Variants in MAP3K4 observed in about 807,000 individuals in gnomAD.
MAP3K4 encodes MAP three kinase 1.
In MAP3K4, 67 loss-of-function variants were observed where a neutral mutation model predicts 185.6. The ratio of observed to expected loss-of-function variants is 0.36; its 90% confidence interval spans 0.30 to 0.44. The LOEUF is 0.44. Ranked by LOEUF, MAP3K4 falls within the 20% of genes least tolerant of loss-of-function variation. The pLI, the probability that MAP3K4 is intolerant of heterozygous loss-of-function variation, is 1.00. For missense variants in MAP3K4, 1,551 were observed against 1,995.1 expected, an observed-to-expected ratio of 0.78 and a Z score of 4.24; for synonymous variants, 702 against 710.4, an observed-to-expected ratio of 0.99 and a Z score of 0.19.
intron 1 of MAP3K4, among the ~76,000 whole-genome samples, chr6:161,020,771 G>A (rs1391303721): frequency 6.6e-6 from 1 of 151,890 alleles, no homozygotes; most frequent in Non-Finnish European, 1.5e-5. Context: ...AGTAATAATG[G>A]CTTTGATGCC....
intron 1 of MAP3K4, among the ~76,000 whole-genome samples, chr6:160,994,793 C>T (rs561843732): frequency 5.9e-5 from 9 of 152,202 alleles, no homozygotes; most frequent in Admixed American, 4.6e-4. Context: ...CTCTGCCTCC[C>T]GAGTTCGAGC....
In MAP3K4 at chr6:161,110,235, T is replaced by TC. The variant is rs1384774974; in HGVS notation, c.4396+322dup. Among the ~76,000 whole-genome samples, 3 of 152,352 alleles carry TC rather than the reference T, an allele frequency of 2.0e-5. No homozygotes were observed. The highest frequency in any genetic ancestry group is 1.9e-4 in the East Asian group (1 of 5,186). On this transcript the variant is annotated intron_variant, in intron 23 of 26. Transcript: ENST00000392142. The surrounding 1 kb of genome is among the most constrained non-coding windows in gnomAD (Gnocchi z 4.8). The stretch of plus-strand genomic sequence containing the variant: ...TTCGTGATCAAAGCAACCTTTTTTT[T>TC]CTCTCGTGTCAGGATTCTTGTCTAT...
chr6:161,069,518 G>C lies in MAP3K4; in HGVS notation c.1708-1090G>C, dbSNP rs137883831. ...AAGGCAGCACTGGAGGGTGAGACTA[G>C]GTCATGGAGGGTCTTCCATAGCAGC... On this transcript the variant is annotated intron_variant, in intron 3 of 26. Transcript: ENST00000392142. Among the ~76,000 whole-genome samples, 681 of 152,268 alleles carry C rather than the reference G, an allele frequency of 4.5e-3. 4 individuals are homozygous for C. The highest frequency in any genetic ancestry group is 0.016 in the African/African-American group (655 of 41,550).
intron 1 of MAP3K4, among the ~76,000 whole-genome samples, chr6:161,031,124 T>G (rs1782908606): frequency 6.6e-6 from 1 of 152,202 alleles, no homozygotes; most frequent in Admixed American, 6.5e-5. Context: ...AATTAGATAA[T>G]TTAGAAATAC....
rs1182109614 is a variant in MAP3K4, at chr6:161,091,970, T to A, written c.3136-40T>A. 1.3e-6 allele frequency: 2 copies of A among 1,538,222 alleles called. No homozygotes were observed. Among genetic ancestry groups the A allele is most frequent in the Non-Finnish European group, 1.8e-6 (2 of 1,112,540 alleles). ...TATAGTGTGTGATATTATTTAATGA[T>A]CATTTCCTTAATGTTGATATACATG... On this transcript the variant is annotated intron_variant, in intron 12 of 26. Coordinates refer to ENST00000392142, the MANE Select transcript of MAP3K4 (RefSeq NM_005922.4). The surrounding 1 kb of genome is among the most constrained non-coding windows in gnomAD (Gnocchi z 5.5).
In MAP3K4 at chr6:160,992,002, A is replaced by AGCCGCCGCCACCGCC. The variant is rs770649078; in HGVS notation, c.84_98dup (p.Pro32_Pro36dup). The AGCCGCCGCCACCGCC allele has an allele frequency of 2.7e-5, 42 of 1,537,272 alleles. No homozygotes were observed. In the East Asian group the frequency reaches 3.3e-4, roughly 12 times the overall value. ...GTCACGCCTGCCGCCGCCATGGAGG[A>AGCCGCCGCCACCGCC]GCCGCCGCCACCGCCGCCGCCGCCA... is the stretch of plus-strand genomic sequence containing the variant. On this transcript the variant is annotated inframe_insertion, in exon 1 of 27. Coordinates refer to ENST00000392142, the MANE Select transcript of MAP3K4 (RefSeq NM_005922.4).
At position 161,037,691 on chromosome 6, in the gene MAP3K4, T is replaced by C. The variant is rs1405945991; in HGVS notation, c.343+3242T>C. Among the ~76,000 whole-genome samples the C allele has an allele frequency of 1.3e-5, 2 of 152,222 alleles. No individual in the cohort carries two copies. Among genetic ancestry groups the C allele is most frequent in the Non-Finnish European group, 2.9e-5 (2 of 68,030 alleles). On this transcript the variant is annotated intron_variant, in intron 2 of 26. Coordinates refer to ENST00000392142, the MANE Select transcript of MAP3K4 (RefSeq NM_005922.4). The surrounding 1 kb of genome is among the most constrained non-coding windows in gnomAD (Gnocchi z 4.2). Reference sequence around the variant, plus strand: ...CCTCAGTCTCCCAAAGTGCTGGGATTATAGGCACGAGCAACCATGACCGGT... The same window carrying C: ...CCTCAGTCTCCCAAAGTGCTGGGATCATAGGCACGAGCAACCATGACCGGT...
At chr6:161,104,073 A>C (rs1359664587) in intron 19 of MAP3K4, among the ~76,000 whole-genome samples, 1 of 152,150 alleles carries the variant, frequency 6.6e-6, no homozygotes, top group Non-Finnish European at 1.5e-5. Flanking sequence ...CTTGGGAACC[A>C]CTTGGAATTA....
At chr6:161,035,011 A>T (rs776465332) in intron 2 of MAP3K4, among the ~76,000 whole-genome samples, 3 of 152,016 alleles carry the variant, frequency 2.0e-5, no homozygotes, top group Non-Finnish European at 4.4e-5. Context: ...AAGTCCACAT[A>T]TTGCTCTATT....
chr6:161,093,548 T>C lies in MAP3K4; in HGVS notation c.3349-225T>C, dbSNP rs1026842198. On this transcript the variant is annotated intron_variant, in intron 14 of 26. Coordinates refer to ENST00000392142, the MANE Select transcript of MAP3K4 (RefSeq NM_005922.4). This position sits in a 1 kb window ranked among gnomAD's most constrained non-coding sequence, Gnocchi z 5.2. Reference sequence around the variant, plus strand: ...TTTGCTTGTACACGTTATTGTGTTATGGGAAATTGACAGCTAATTTGCTTT... The same window carrying C: ...TTTGCTTGTACACGTTATTGTGTTACGGGAAATTGACAGCTAATTTGCTTT... 5.3e-5 allele frequency among the ~76,000 whole-genome samples: 8 copies of C among 152,352 alleles called. No homozygotes were observed. The East Asian group carries it at 1.5e-3, about 29-fold the overall frequency.
chr6:161,086,285 AT>A lies in MAP3K4; in HGVS notation c.2373-91del, dbSNP rs1395049866. 2.1e-5 allele frequency: 14 copies of A among 663,096 alleles called. No homozygotes were observed. Among genetic ancestry groups the A allele is most frequent in the Non-Finnish European group, 3.4e-5 (13 of 383,984 alleles). The allele number at this position is 663,096 out of a possible 1,614,324, so 41.1% of individuals were successfully genotyped here. On this transcript the variant is annotated intron_variant, in intron 7 of 26. Transcript: ENST00000392142. This position sits in a 1 kb window ranked among gnomAD's most constrained non-coding sequence, Gnocchi z 4.8. The stretch of plus-strand genomic sequence containing the variant: ...TCCTCAGTCTTTATTTATTACTGTG[AT>A]TTGGAATTTGCTTCATCTTTATTGT...
Position 161,097,198 on chromosome 6 carries a change from A to G in MAP3K4, c.3524+22A>G. The G allele has an allele frequency of 6.2e-6, 10 of 1,605,918 alleles. No individual in the cohort carries two copies. The highest frequency in any genetic ancestry group is 2.2e-5 in the South Asian group (2 of 90,806). ...TCAGGTATTTGGTGCTTATCTAGTC[A>G]TTTGCTTTACAGAGTGCCCTCCGAT... On this transcript the variant is annotated intron_variant, in intron 16 of 26. Transcript: ENST00000392142. The surrounding 1 kb of genome is among the most constrained non-coding windows in gnomAD (Gnocchi z 4.9).
chr6:161,059,692 CTGTT>C (rs906730635), intron 3 of MAP3K4, among the ~76,000 whole-genome samples: 7 of 152,044 alleles, frequency 4.6e-5, no homozygotes, highest in Admixed American at 1.3e-4. Flanking sequence ...ATAGTCATGT[CTGTT>C]GTTATTTTAT....
At position 161,048,643 on chromosome 6, in the gene MAP3K4, C is replaced by T. The variant is rs1234342311; in HGVS notation, c.371C>T (p.Pro124Leu). ...KEKMNAPNQPPHKDTGKTVEN... is the reference protein window; with the variant it reads ...KEKMNAPNQPLHKDTGKTVEN... ...AAAATGAATGCACCAAATCAGCCTC[C>T]ACATAAAGACACTGGAAAAACAGTG... The change falls in exon 3 of 27, where the codon CCA becomes CTA. Residue 124 changes from proline (P) to leucine (L), a missense_variant. Pro to Leu is a moderately conservative substitution (Grantham distance 98). Around this residue, in one of 16 missense-constraint regions of MAP3K4, gnomAD observed 287 missense variants for 268.8 expected, o/e 1.07. Coordinates refer to ENST00000392142, the MANE Select transcript of MAP3K4 (RefSeq NM_005922.4). The surrounding 1 kb of genome is among the most constrained non-coding windows in gnomAD (Gnocchi z 4.7). 7 of 1,598,448 alleles carry T rather than the reference C, an allele frequency of 4.4e-6. No homozygotes were observed. The highest frequency in any genetic ancestry group is 6.0e-6 in the Non-Finnish European group (7 of 1,175,040).
intron 2 of MAP3K4, among the ~76,000 whole-genome samples, chr6:161,044,873 C>T (rs370935821): frequency 3.3e-5 from 5 of 152,090 alleles, no homozygotes; most frequent in African/African-American, 4.8e-5. Context: ...ACTAATAGAG[C>T]GAGGACTGGC....
At position 161,109,655 on chromosome 6, in the gene MAP3K4, C is replaced by T; in HGVS notation, c.4237-100C>T. 1 of 1,184,206 alleles carries T rather than the reference C, an allele frequency of 8.4e-7. No individual in the cohort carries two copies. Among genetic ancestry groups the T allele is most frequent in the Non-Finnish European group, 1.2e-6 (1 of 811,176 alleles). The allele number at this position is 1,184,206 out of a possible 1,614,324, so 73.4% of individuals were successfully genotyped here. Reference sequence around the variant, plus strand: ...AAGTGTAGTATACCGTTAGAAAGAACATTCCTTTGGGGTGTGGCCTAGGAA... The same window carrying T: ...AAGTGTAGTATACCGTTAGAAAGAATATTCCTTTGGGGTGTGGCCTAGGAA... On this transcript the variant is annotated intron_variant, in intron 22 of 26. Transcript: ENST00000392142. The surrounding 1 kb of genome is among the most constrained non-coding windows in gnomAD (Gnocchi z 5.7).
chr6:161,068,992 G>C (rs1784820325), intron 3 of MAP3K4, among the ~76,000 whole-genome samples: 1 of 152,226 alleles, frequency 6.6e-6, no homozygotes, highest in South Asian at 2.1e-4. Context: ...TTGCTGTAAA[G>C]CAACTAATGG....
intron 1 of MAP3K4, among the ~76,000 whole-genome samples, chr6:160,995,401 C>A (rs1774363784): frequency 6.6e-6 from 1 of 152,236 alleles, no homozygotes; most frequent in Non-Finnish European, 1.5e-5. Context: ...AATGCACAGG[C>A]CTTTTGTAGA....
Position 161,037,504 on chromosome 6 carries a change from C to T in MAP3K4, c.343+3055C>T, listed in dbSNP as rs35722436. 0.011 allele frequency among the ~76,000 whole-genome samples: 1,696 copies of T among 152,204 alleles called. 17 individuals are homozygous for T. The highest frequency in any genetic ancestry group is 0.017 in the Non-Finnish European group (1,143 of 67,990). ...CGCGATCTCAGCTCACTGCAACCTC[C>T]GCCTCCTGGGTTCAAGCAATTCTCC... On this transcript the variant is annotated intron_variant, in intron 2 of 26. Coordinates refer to ENST00000392142, the MANE Select transcript of MAP3K4 (RefSeq NM_005922.4). This position sits in a 1 kb window ranked among gnomAD's most constrained non-coding sequence, Gnocchi z 4.2.
Sources: gnomAD v4.1 joint callset for allele counts (sites outside exome capture counted in the v4.1 genomes callset) on GRCh38, gnomAD v4.1.1 for gene constraint, gnomAD v4.1.1 regional missense constraint, Gnocchi (gnomAD v3.1) non-coding constraint, MANE v1.5 for transcripts, NCBI Gene and HGNC (gene_info 2026-07-23, HGNC 2026-07-21) for gene names.